Variants in SRD5A3 observed in about 807,000 individuals in gnomAD.
SRD5A3 encodes the protein steroid 5 alpha-reductase 3, also known as polyprenal reductase.
A neutral mutation model predicts 34.3 loss-of-function variants in SRD5A3; 24 were observed. The observed-to-expected ratio is 0.70, with a 90% CI of 0.51 to 0.99. The LOEUF is 0.99. Ranked by LOEUF, SRD5A3 falls within the 50% of genes least tolerant of loss-of-function variation. SRD5A3 has a pLI of 0.00. For missense variants in SRD5A3, 350 were observed against 388.2 expected (o/e 0.90, Z 0.83); for synonymous variants, 161 against 167.3 (o/e 0.96, Z 0.29).
At chr4:55,369,646 G>A in intron 4 of SRD5A3, 186 bp from the exon 5 acceptor site, 1 of 647,940 alleles carries the variant, frequency 1.5e-6, no homozygotes, top group Non-Finnish European at 2.6e-6. Context: ...TGGGAGGATT[G>A]CCTGGGCCTG....
chr4:55,354,287 G>T (rs1330644268), intron 1 of SRD5A3, among the ~76,000 whole-genome samples: 1 of 152,130 alleles, frequency 6.6e-6, no homozygotes, highest in Non-Finnish European at 1.5e-5. Context: ...TAGTAGAGAT[G>T]GGGTTTTACC....
intron 2 of SRD5A3, among the ~76,000 whole-genome samples, chr4:55,360,909 C>T (rs889410887): frequency 6.6e-6 from 1 of 151,930 alleles, no homozygotes; most frequent in Non-Finnish European, 1.5e-5. Context: ...AGGCTGGTCT[C>T]GAATTCCTGA....
chr4:55,351,905 G>T, intron 1 of SRD5A3: 1 of 671,284 alleles, frequency 1.5e-6, no homozygotes, highest in South Asian at 1.4e-5. Flanking sequence ...GAATCTTAGG[G>T]ATTCTTCTTT....
Position 55,351,494 on chromosome 4 carries a change from G to A in SRD5A3, c.221+4937G>A, listed in dbSNP as rs1161350402. Among the ~76,000 whole-genome samples, 3 of 151,496 alleles carry A rather than the reference G, an allele frequency of 2.0e-5. No individual in the cohort carries two copies. The East Asian group carries it at 5.8e-4, about 29-fold the overall frequency. ...GTGGGAGGCTGAGGCATATTTTTCT[G>A]TACTAAAAATACGTAAAATACAAAA... On this transcript the variant is annotated intron_variant, in intron 1 of 4. Coordinates refer to ENST00000264228, the MANE Select transcript of SRD5A3 (RefSeq NM_024592.5).
intron 1 of SRD5A3, among the ~76,000 whole-genome samples, chr4:55,356,451 A>G (rs952391948): frequency 1.7e-4 from 26 of 152,102 alleles, no homozygotes; most frequent in Admixed American, 1.7e-3. Context: ...TATCTCCAGA[A>G]CTTGTCCATC....
At position 55,346,441 on chromosome 4, in the gene SRD5A3, G is replaced by T; in HGVS notation, c.105G>T (p.Leu35=). ...AFLLTLLLQL[L]PPGLLPGCAI... ...TGCTGACCCTACTGCTGCAGCTCCT[G>T]CCGCCCGGCCTGCTCCCGGGCTGCG... Residue 35 remains leucine (L), a synonymous_variant, in exon 1 of 5, where the codon CTG becomes CTT. Coordinates refer to ENST00000264228, the MANE Select transcript of SRD5A3 (RefSeq NM_024592.5). 6.2e-7 allele frequency: 1 copy of T among 1,605,900 alleles called. No individual in the cohort carries two copies. Among genetic ancestry groups the T allele is most frequent in the Non-Finnish European group, 8.5e-7 (1 of 1,177,026 alleles).
At chr4:55,359,639 C>T (rs1290897552) in intron 2 of SRD5A3, 151 bp downstream of exon 2, 16 of 1,038,218 alleles carry the variant, frequency 1.5e-5, no homozygotes, top group Non-Finnish European at 2.1e-5. Flanking sequence ...GAGCTTTGCA[C>T]GGTTCATTGC....
Position 55,346,305 on chromosome 4 carries a change from C to A in SRD5A3, c.-32C>A. On this transcript the variant is annotated 5_prime_UTR_variant, in exon 1 of 5. Coordinates refer to ENST00000264228, the MANE Select transcript of SRD5A3 (RefSeq NM_024592.5). Reference sequence around the variant, plus strand: ...TCCGCGGGCTAGCGGGCGGTGGGGGCGCCAGCAGCGCGGAAGGCGGGCACG... The same window carrying A: ...TCCGCGGGCTAGCGGGCGGTGGGGGAGCCAGCAGCGCGGAAGGCGGGCACG... 2.2e-6 allele frequency: 3 copies of A among 1,383,048 alleles called. No homozygotes were observed. Among genetic ancestry groups the A allele is most frequent in the Non-Finnish European group, 2.8e-6 (3 of 1,073,100 alleles). The allele number at this position is 1,383,048 out of a possible 1,614,324, so 85.7% of individuals were successfully genotyped here.
intron 1 of SRD5A3, among the ~76,000 whole-genome samples, chr4:55,355,317 G>T (rs1272219842): frequency 5.3e-5 from 8 of 152,130 alleles, no homozygotes; most frequent in Non-Finnish European, 1.0e-4. Flanking sequence ...AATTAGCTGG[G>T]CGTGGTGGCG....
chr4:55,355,445 G>C (rs997818186), intron 1 of SRD5A3, among the ~76,000 whole-genome samples: 1 of 149,610 alleles, frequency 6.7e-6, no homozygotes, highest in Non-Finnish European at 1.5e-5. Context: ...GCAACAGAGC[G>C]AGACTCCGTC....
At chr4:55,361,674 C>T (rs1016093042) in intron 2 of SRD5A3, among the ~76,000 whole-genome samples, 1 of 151,922 alleles carries the variant, frequency 6.6e-6, no homozygotes, top group East Asian at 1.9e-4. Context: ...CGTGGTGGCG[C>T]GTGCCTGTAA....
At chr4:55,353,236 T>C (rs1719265802) in intron 1 of SRD5A3, among the ~76,000 whole-genome samples, 1 of 152,160 alleles carries the variant, frequency 6.6e-6, no homozygotes, top group African/African-American at 2.4e-5. Context: ...TCTGTCTAGC[T>C]AAAGGTTTGT....
At chr4:55,368,890 C>CTGT (rs1720014465) in intron 4 of SRD5A3, among the ~76,000 whole-genome samples, 3 of 151,920 alleles carry the variant, frequency 2.0e-5, no homozygotes, top group African/African-American at 7.3e-5. Context: ...AGGCGTGTGC[C>CTGT]ACCACATCTG....
At chr4:55,368,873 G>C (rs950689052) in intron 4 of SRD5A3, among the ~76,000 whole-genome samples, 5 of 151,966 alleles carry the variant, frequency 3.3e-5, no homozygotes, top group African/African-American at 1.2e-4. Context: ...CAAGTAGTTG[G>C]GATTACAGGC....
intron 3 of SRD5A3, among the ~76,000 whole-genome samples, chr4:55,366,244 A>G (rs6852903): frequency 0.021 from 3,235 of 152,340 alleles, 120 homozygotes; most frequent in African/African-American, 0.074. Context: ...TGCATTTAGC[A>G]TAAGGGACTT....
rs569502702 is a variant in SRD5A3 at position 55,351,337 on chromosome 4, G to T, written c.221+4780G>T. ...TCCACCCACCTCGGCCTCCCAAAGC[G>T]CCAGGACCACAGGCATGAGCCACCG... On this transcript the variant is annotated intron_variant, in intron 1 of 4. Transcript: ENST00000264228. 2.0e-5 allele frequency among the ~76,000 whole-genome samples: 3 copies of T among 152,094 alleles called. No individual in the cohort carries two copies. The South Asian group carries it at 6.2e-4, about 32-fold the overall frequency.
At position 55,346,375 on chromosome 4, in the gene SRD5A3, C is replaced by G. The variant is rs1411694536; in HGVS notation, c.39C>G (p.Asn13Lys). The change falls in exon 1 of 5, where the codon AAC becomes AAG. Residue 13 changes from asparagine to lysine, a missense_variant. Around this residue, in one of 3 missense-constraint regions of SRD5A3, gnomAD observed 159 missense variants for 149.1 expected, o/e 1.07. Coordinates refer to ENST00000264228, the MANE Select transcript of SRD5A3 (RefSeq NM_024592.5). ...PWAEAEHSAL[N>K]PLRAVWLTLT... is the part of the protein sequence containing the mutation. ...CGGAGGCCGAGCACTCGGCGCTGAA[C>G]CCGCTGCGCGCGGTGTGGCTCACGC... 1 of 1,566,328 alleles carries G rather than the reference C, an allele frequency of 6.4e-7. No homozygotes were observed. The highest frequency in any genetic ancestry group is 1.8e-5 in the Admixed American group (1 of 54,340).
chr4:55,348,322 G>A (rs1195316453), intron 1 of SRD5A3, among the ~76,000 whole-genome samples: 4 of 151,976 alleles, frequency 2.6e-5, no homozygotes, highest in Non-Finnish European at 5.9e-5. Context: ...ATAATGAAAG[G>A]CATTTTTATT....
chr4:55,362,050 C>T (rs1031814338), intron 2 of SRD5A3, among the ~76,000 whole-genome samples: 3 of 151,788 alleles, frequency 2.0e-5, no homozygotes, highest in African/African-American at 7.3e-5. Context: ...CTAATCTGTG[C>T]TGATAGGGGT....
Sources: allele counts gnomAD v4.1 joint callset (sites outside exome capture counted in the v4.1 genomes callset), GRCh38; gene constraint gnomAD v4.1.1; regional missense constraint gnomAD v4.1.1; transcripts MANE v1.5; gene names NCBI Gene and HGNC (gene_info 2026-07-23, HGNC 2026-07-21).